The following AGBL4 variants were observed in gnomAD, a reference collection of about 807,000 sequenced individuals.
AGBL4 encodes AGBL carboxypeptidase 4.
Under a neutral mutation model 66.4 loss-of-function variants are expected in AGBL4, and 58 were observed. That is an observed-to-expected ratio of 0.87 (90% confidence interval 0.71 to 1.09). AGBL4 has a LOEUF of 1.09. Ranked by LOEUF, AGBL4 falls within the 50% of genes least tolerant of loss-of-function variation. The pLI, the probability that AGBL4 is intolerant of heterozygous loss-of-function variation, is 0.00. For missense variants in AGBL4, 579 were observed against 631.0 expected, an observed-to-expected ratio of 0.92 and a Z score of 0.88; for synonymous variants, 234 against 222.9, an observed-to-expected ratio of 1.05 and a Z score of -0.44.
intron 3 of AGBL4, among the ~76,000 whole-genome samples, chr1:49,498,616 A>G (rs1361624514): frequency 6.6e-6 from 1 of 151,852 alleles, no homozygotes; most frequent in Non-Finnish European, 1.5e-5. Flanking sequence ...AATACTGCAT[A>G]ATCTGACTCC....
Position 48,645,012 on chromosome 1 carries a change from C to CT in AGBL4, c.839+8324dup, listed in dbSNP as rs751441774. Among the ~76,000 whole-genome samples the CT allele has an allele frequency of 9.2e-5, 14 of 152,336 alleles. No individual in the cohort carries two copies. In the East Asian group the frequency reaches 1.7e-3, roughly 19 times the overall value. ...TATTAAGATCAACTTGCTATCAACT[C>CT]TAACTTTGAAATGCTATTCAGCTGC... On this transcript the variant is annotated intron_variant, in intron 8 of 13. Transcript: ENST00000371839.
chr1:49,057,334 C>A (rs1483628842), intron 4 of AGBL4, among the ~76,000 whole-genome samples: 1 of 152,154 alleles, frequency 6.6e-6, no homozygotes, highest in Non-Finnish European at 1.5e-5. Context: ...GGGATAACCA[C>A]CTGAGCCAAG....
chr1:49,154,513 C>A (rs566538565), intron 4 of AGBL4, among the ~76,000 whole-genome samples: 1 of 152,214 alleles, frequency 6.6e-6, no homozygotes, highest in Admixed American at 6.5e-5. Context: ...CTAAGAGAAT[C>A]GTTAAGTCTA....
chr1:49,940,829 T>C (rs1654680012), intron 1 of AGBL4, among the ~76,000 whole-genome samples: 1 of 151,958 alleles, frequency 6.6e-6, no homozygotes, highest in South Asian at 2.1e-4. Context: ...TGTGCACATG[T>C]ACCCTAAAAC....
At chr1:49,231,073 T>C (rs1650275188) in intron 4 of AGBL4, among the ~76,000 whole-genome samples, 1 of 152,132 alleles carries the variant, frequency 6.6e-6, no homozygotes, top group Non-Finnish European at 1.5e-5. Context: ...TTATGAAAAA[T>C]TAGTAAATTG....
rs570743334 is a variant in AGBL4 at position 49,703,168 on chromosome 1, T to C, written c.158-5731A>G. On this transcript the variant is annotated intron_variant, in intron 2 of 13. Coordinates refer to ENST00000371839, the MANE Select transcript of AGBL4 (RefSeq NM_032785.4). Reference sequence around the variant, plus strand: ...TTTCTATTTGCAGATGACATAATTTTTATGCAGAAAAACCTAAGGAATCCA... The same window carrying C: ...TTTCTATTTGCAGATGACATAATTTCTATGCAGAAAAACCTAAGGAATCCA... Among the ~76,000 whole-genome samples, 4 of 152,078 alleles carry C rather than the reference T, an allele frequency of 2.6e-5. No individual in the cohort carries two copies. In the East Asian group the frequency reaches 7.7e-4, roughly 29 times the overall value.
intron 1 of AGBL4, among the ~76,000 whole-genome samples, chr1:49,959,847 A>G (rs1656976113): frequency 1.3e-5 from 2 of 152,142 alleles, no homozygotes; most frequent in Non-Finnish European, 2.9e-5. Flanking sequence ...AATACTATGC[A>G]GCTATAAAAA....
At chr1:49,141,069 G>GA (rs1646108352) in intron 4 of AGBL4, among the ~76,000 whole-genome samples, 1 of 152,108 alleles carries the variant, frequency 6.6e-6, no homozygotes, top group Non-Finnish European at 1.5e-5. Flanking sequence ...CAACAGGAAT[G>GA]AGCAGGAACA....
At chr1:49,960,181 A>T (rs1309899988) in intron 1 of AGBL4, among the ~76,000 whole-genome samples, 4 of 152,112 alleles carry the variant, frequency 2.6e-5, no homozygotes, top group Non-Finnish European at 5.9e-5. Context: ...AATTTTTTAA[A>T]GTAAAAATTT....
intron 9 of AGBL4, chr1:48,634,102 T>G (rs1478785493): frequency 6.4e-6 from 1 of 156,052 alleles, no homozygotes; most frequent in Non-Finnish European, 1.4e-5. Context: ...AAGTTCCCTA[T>G]GTGTAGAAGA....
chr1:49,851,069 T>C (rs1416485220), intron 2 of AGBL4, among the ~76,000 whole-genome samples: 2 of 152,158 alleles, frequency 1.3e-5, no homozygotes, highest in African/African-American at 4.8e-5. Context: ...TAGATAGATA[T>C]TATTCAATAA....
chr1:49,043,140 T>C (rs560896725), intron 5 of AGBL4, among the ~76,000 whole-genome samples: 10 of 152,330 alleles, frequency 6.6e-5, no homozygotes, highest in Non-Finnish European at 1.2e-4. Flanking sequence ...AGCTCACTGT[T>C]CAGTAATATA....
chr1:48,569,402 A>G (rs1276881419), intron 11 of AGBL4, among the ~76,000 whole-genome samples: 1 of 152,194 alleles, frequency 6.6e-6, no homozygotes, highest in East Asian at 1.9e-4. Context: ...CAGGTAGAAA[A>G]GTGAAAACCC....
At chr1:49,730,742 T>A (rs1484251413) in intron 2 of AGBL4, among the ~76,000 whole-genome samples, 1 of 152,122 alleles carries the variant, frequency 6.6e-6, no homozygotes, top group Non-Finnish European at 1.5e-5. Flanking sequence ...AACTACAGCC[T>A]GCCAGATCAA....
At chr1:48,544,537 C>T (rs1644128519) in intron 11 of AGBL4, among the ~76,000 whole-genome samples, 1 of 152,206 alleles carries the variant, frequency 6.6e-6, no homozygotes, top group South Asian at 2.1e-4. Flanking sequence ...AGTATACTTA[C>T]TCTTCCCTTG....
chr1:49,058,871 T>G (rs1381419522), intron 4 of AGBL4, among the ~76,000 whole-genome samples: 1 of 152,198 alleles, frequency 6.6e-6, no homozygotes, highest in Non-Finnish European at 1.5e-5. Context: ...TGCCCTGCCC[T>G]AGAGATCTGT....
At chr1:49,165,325 T>C (rs1004836333) in intron 4 of AGBL4, among the ~76,000 whole-genome samples, 1 of 152,142 alleles carries the variant, frequency 6.6e-6, no homozygotes, top group Non-Finnish European at 1.5e-5. Flanking sequence ...AAACATTCAT[T>C]CAACATGGAA....
At chr1:49,259,973 C>G (rs1652960002) in intron 3 of AGBL4, among the ~76,000 whole-genome samples, 2 of 151,994 alleles carry the variant, frequency 1.3e-5, no homozygotes, top group Admixed American at 1.3e-4. Flanking sequence ...GACCACAGTG[C>G]AATCAAACTA....
At chr1:49,473,886 G>A (rs1646796413) in intron 3 of AGBL4, among the ~76,000 whole-genome samples, 1 of 152,034 alleles carries the variant, frequency 6.6e-6, no homozygotes, top group African/African-American at 2.4e-5. Flanking sequence ...GCTGAATAGG[G>A]TATCCTTTCC....
Sources: gnomAD v4.1 joint callset for allele counts (sites outside exome capture counted in the v4.1 genomes callset) on GRCh38, gnomAD v4.1.1 for gene constraint, MANE v1.5 for transcripts, NCBI Gene and HGNC (gene_info 2026-07-23, HGNC 2026-07-21) for gene names.